TXNRD1: variants seen among roughly 807,000 people sequenced by gnomAD.
TXNRD1 encodes thioredoxin reductase 1.
In TXNRD1, 57 loss-of-function variants were observed where a neutral mutation model predicts 80.3. That is an observed-to-expected ratio of 0.71 (90% CI 0.57 to 0.89). The LOEUF is 0.89. Ranked by LOEUF, TXNRD1 falls within the 40% of genes least tolerant of loss-of-function variation. The pLI is 0.00. For missense variants in TXNRD1, 730 were observed against 803.0 expected, an observed-to-expected ratio of 0.91 and a Z score of 1.10; for synonymous variants, 291 against 285.2, an observed-to-expected ratio of 1.02 and a Z score of -0.20.
chr12:104,315,568 T>C (rs1390501022), intron 6 of TXNRD1, among the ~76,000 whole-genome samples: 3 of 152,226 alleles, frequency 2.0e-5, no homozygotes, highest in Admixed American at 6.5e-5. Flanking sequence ...TCTTTTTGTT[T>C]TGTTTTAGGA....
intron 1 of TXNRD1, among the ~76,000 whole-genome samples, chr12:104,228,068 C>T (rs1459398029): frequency 2.6e-5 from 4 of 151,990 alleles, no homozygotes; most frequent in African/African-American, 7.3e-5. Flanking sequence ...TTTGGGAAGC[C>T]GAGCGGGGCA....
At chr12:104,262,283 G>T (rs1193084806) in intron 3 of TXNRD1, 1 of 149,734 alleles carries the variant, frequency 6.7e-6, no homozygotes, top group Admixed American at 6.7e-5. Flanking sequence ...CCGTTCTAAG[G>T]CAAGTAGGAA....
chr12:104,316,578 G>A (rs565670098), intron 7 of TXNRD1, among the ~76,000 whole-genome samples: 6 of 152,040 alleles, frequency 3.9e-5, no homozygotes, highest in African/African-American at 1.4e-4. Context: ...TTTAGTAGAG[G>A]TGGGGTTTTA....
intron 1 of TXNRD1, among the ~76,000 whole-genome samples, chr12:104,230,816 G>C (rs1417835289): frequency 6.6e-6 from 1 of 152,180 alleles, no homozygotes; most frequent in African/African-American, 2.4e-5. Flanking sequence ...TGTCTGATTT[G>C]CATAGTGCTC....
intron 15 of TXNRD1, among the ~76,000 whole-genome samples, chr12:104,338,259 A>AT (rs2036206038): frequency 6.6e-6 from 1 of 151,602 alleles, no homozygotes; most frequent in Non-Finnish European, 1.5e-5. Flanking sequence ...TGCCTTTTGT[A>AT]TTTTTTCTCA....
chr12:104,226,446 T>C (rs2032474764), intron 1 of TXNRD1, among the ~76,000 whole-genome samples: 1 of 152,170 alleles, frequency 6.6e-6, no homozygotes, highest in South Asian at 2.1e-4. Context: ...AAGAGCCTGA[T>C]ATAATAACAG....
rs376301938 is a variant in TXNRD1 at position 104,339,211 on chromosome 12, A to T, written c.1819A>T (p.Lys607Ter). ...EVTQGFAAAL[K>*]CGLTKKQLDS... is the part of the protein sequence containing the mutation. ...TACACAAGGCTTTGCAGCTGCGCTC[A>T]AATGTGGACTGACCAAAAAGCAGCT... Residue 607 changes from lysine (K) to a stop codon, truncating the protein, a stop_gained, in exon 16 of 17, where the codon AAA becomes TAA. Transcript: ENST00000525566. LOFTEE classifies it high-confidence loss of function. The T allele has an allele frequency of 1.2e-6, 2 of 1,613,894 alleles. No individual in the cohort carries two copies. The highest frequency in any genetic ancestry group is 2.7e-5 in the African/African-American group (2 of 74,920).
intron 2 of TXNRD1, 99 bp downstream of exon 2, chr12:104,251,777 G>A (rs187407719): frequency 8.4e-6 from 12 of 1,431,156 alleles, no homozygotes; most frequent in Non-Finnish European, 3.8e-6. Context: ...TAGGAAGAGT[G>A]TATGTAGGCT....
chr12:104,297,349 T>C (rs1054463628), intron 4 of TXNRD1, among the ~76,000 whole-genome samples: 4 of 150,180 alleles, frequency 2.7e-5, no homozygotes, highest in Non-Finnish European at 5.9e-5. Flanking sequence ...TGTTGACAAA[T>C]AAATTTATAT....
chr12:104,288,561 T>C (rs760151404), intron 3 of TXNRD1, among the ~76,000 whole-genome samples: 65 of 152,184 alleles, frequency 4.3e-4, no homozygotes, highest in Non-Finnish European at 6.3e-4. Flanking sequence ...TTTGTGAAAG[T>C]TGAGATAAAC....
intron 4 of TXNRD1, chr12:104,304,403 G>A: frequency 6.2e-7 from 1 of 1,613,996 alleles, no homozygotes; most frequent in Non-Finnish European, 8.5e-7. Flanking sequence ...AATAGAAAAG[G>A]AAGCAACATC....
chr12:104,219,945 C>A (rs1374328455), intron 1 of TXNRD1, among the ~76,000 whole-genome samples: 1 of 151,938 alleles, frequency 6.6e-6, no homozygotes, highest in Admixed American at 6.6e-5. Flanking sequence ...ATTAAAAACT[C>A]ATTTTCCTGT....
chr12:104,251,756 G>T, intron 2 of TXNRD1, 78 bp downstream of exon 2: 1 of 1,532,898 alleles, frequency 6.5e-7, no homozygotes, highest in Non-Finnish European at 8.9e-7. Flanking sequence ...TAAACAACTG[G>T]ATTTTACCTT....
intron 13 of TXNRD1, among the ~76,000 whole-genome samples, chr12:104,329,172 T>A (rs1211739053): frequency 1.3e-5 from 2 of 152,246 alleles, no homozygotes; most frequent in African/African-American, 4.8e-5. Flanking sequence ...TTCGTATTAC[T>A]ATTTAGAATA....
intron 13 of TXNRD1, among the ~76,000 whole-genome samples, chr12:104,330,655 TG>T (rs2035917832): frequency 1.3e-5 from 2 of 152,088 alleles, no homozygotes; most frequent in Non-Finnish European, 2.9e-5. Context: ...GGCGTGATCT[TG>T]GCTCACTGCA....
chr12:104,257,299 T>C (rs990730719), intron 2 of TXNRD1, among the ~76,000 whole-genome samples: 1 of 152,096 alleles, frequency 6.6e-6, no homozygotes, highest in Non-Finnish European at 1.5e-5. Flanking sequence ...GATTTATTGG[T>C]TGAGGGTTAC....
At chr12:104,335,650 C>T (rs1343941638) in intron 15 of TXNRD1, among the ~76,000 whole-genome samples, 1 of 152,066 alleles carries the variant, frequency 6.6e-6, no homozygotes, top group African/African-American at 2.4e-5. Flanking sequence ...TATTCATATA[C>T]ACACACTCTC....
intron 4 of TXNRD1, among the ~76,000 whole-genome samples, chr12:104,293,956 G>A (rs1004901867): frequency 6.6e-6 from 1 of 152,190 alleles, no homozygotes; most frequent in Non-Finnish European, 1.5e-5. Flanking sequence ...GGCAGCCGAG[G>A]CAGAGAGGGA....
intron 3 of TXNRD1, among the ~76,000 whole-genome samples, chr12:104,263,393 C>T (rs1049346308): frequency 6.6e-6 from 1 of 152,110 alleles, no homozygotes; most frequent in African/African-American, 2.4e-5. Flanking sequence ...GTATAATGTT[C>T]ATGGTGTCGA....
Sources: allele counts gnomAD v4.1 joint callset (sites outside exome capture counted in the v4.1 genomes callset), GRCh38; gene constraint gnomAD v4.1.1; transcripts MANE v1.5; gene names NCBI Gene and HGNC (gene_info 2026-07-23, HGNC 2026-07-21).